The following NCK2 variants were observed in gnomAD, a reference collection of about 807,000 sequenced individuals.
The protein encoded by NCK2 is NCK adaptor protein 2.
A neutral mutation model predicts 33.9 loss-of-function variants in NCK2; 16 were observed. The observed-to-expected ratio is 0.47, with a 90% confidence interval of 0.32 to 0.72. The LOEUF is 0.72. Ranked by LOEUF, NCK2 falls within the 30% of genes least tolerant of loss-of-function variation. NCK2 has a pLI of 0.03. For synonymous variants in NCK2, 273 were observed against 239.9 expected (o/e 1.14, Z -1.27); for missense variants, 418 against 537.3 (o/e 0.78, Z 2.19).
chr2:105,825,095 T>G (rs1402216761), intron 2 of NCK2, among the ~76,000 whole-genome samples: 1 of 152,176 alleles, frequency 6.6e-6, no homozygotes. Flanking sequence ...GCCTGGCTCC[T>G]GCCTCCTCCT....
intron 1 of NCK2, among the ~76,000 whole-genome samples, chr2:105,763,366 A>G (rs1689828895): frequency 6.6e-6 from 1 of 152,174 alleles, no homozygotes; most frequent in African/African-American, 2.4e-5. Context: ...GCATTGCAGA[A>G]AAGTAGCTCA....
At chr2:105,817,638 C>T (rs1347763477) in intron 2 of NCK2, among the ~76,000 whole-genome samples, 2 of 152,128 alleles carry the variant, frequency 1.3e-5, no homozygotes, top group Non-Finnish European at 2.9e-5. Flanking sequence ...AGACACTGCT[C>T]AAAAGAAGAC....
intron 1 of NCK2, among the ~76,000 whole-genome samples, chr2:105,796,880 G>A (rs944519457): frequency 2.6e-5 from 4 of 152,182 alleles, no homozygotes; most frequent in Admixed American, 2.6e-4. Context: ...AGGTTAGTCT[G>A]CCCTCTCAGG....
intron 1 of NCK2, among the ~76,000 whole-genome samples, chr2:105,801,418 CT>C (rs79973949): frequency 0.021 from 2,981 of 145,212 alleles, 46 homozygotes; most frequent in Admixed American, 0.024. Context: ...GTGCTTTTTT[CT>C]TTTTTTTTTT....
At chr2:105,783,555 C>A (rs1242523016) in intron 1 of NCK2, among the ~76,000 whole-genome samples, 1 of 152,156 alleles carries the variant, frequency 6.6e-6, no homozygotes, top group East Asian at 1.9e-4. Flanking sequence ...CAGTATTTGC[C>A]ACCGTGGGTG....
At chr2:105,821,577 G>T (rs976708615) in intron 2 of NCK2, among the ~76,000 whole-genome samples, 9 of 152,142 alleles carry the variant, frequency 5.9e-5, no homozygotes, top group Non-Finnish European at 1.5e-5. Flanking sequence ...AGTAAGTATT[G>T]ACAGCTGCTG....
chr2:105,834,012 T>A (rs1237586406), intron 2 of NCK2, among the ~76,000 whole-genome samples: 1 of 152,244 alleles, frequency 6.6e-6, no homozygotes, highest in Non-Finnish European at 1.5e-5. Context: ...AGATAATACC[T>A]GACTTTGATT....
chr2:105,841,943 G>A (rs1238355019), intron 2 of NCK2, among the ~76,000 whole-genome samples: 2 of 152,200 alleles, frequency 1.3e-5, no homozygotes, highest in East Asian at 1.9e-4. Flanking sequence ...GTTGCCAGGA[G>A]GCACCAAGAG....
chr2:105,882,082 G>C (rs1678527031), intron 4 of NCK2, 33 bp downstream of exon 4: 2 of 1,480,180 alleles, frequency 1.4e-6, no homozygotes, highest in East Asian at 4.7e-5. Flanking sequence ...TCCGGCTGCA[G>C]GCAGTAAATG....
intron 3 of NCK2, chr2:105,857,029 T>TC: frequency 1.6e-5 from 1 of 60,884 alleles, no homozygotes; most frequent in Non-Finnish European, 2.9e-5. Context: ...TTGTGTGTCT[T>TC]CTTTTTTTTT....
At chr2:105,820,146 AAT>A (rs1324642550) in intron 2 of NCK2, among the ~76,000 whole-genome samples, 1 of 152,214 alleles carries the variant, frequency 6.6e-6, no homozygotes, top group Non-Finnish European at 1.5e-5. Flanking sequence ...ACAGAGGTAT[AAT>A]GTGTTTCCTT....
chr2:105,874,695 G>T (rs1429422799), intron 3 of NCK2, among the ~76,000 whole-genome samples: 3 of 152,202 alleles, frequency 2.0e-5, no homozygotes, highest in South Asian at 4.1e-4. Context: ...AAGATGACAG[G>T]CAGAGCATGT....
intron 1 of NCK2, among the ~76,000 whole-genome samples, chr2:105,773,256 A>G (rs1182956691): frequency 2.6e-5 from 4 of 151,936 alleles, no homozygotes; most frequent in African/African-American, 7.3e-5. Flanking sequence ...AGAAACCAAC[A>G]TCAGCAATTG....
intron 1 of NCK2, among the ~76,000 whole-genome samples, chr2:105,760,627 G>A (rs1689738095): frequency 6.6e-6 from 1 of 152,050 alleles, no homozygotes; most frequent in Non-Finnish European, 1.5e-5. Context: ...TCAACCAAGG[G>A]TCTTTGCTTT....
chr2:105,821,859 C>T (rs1199289289), intron 2 of NCK2, among the ~76,000 whole-genome samples: 1 of 149,812 alleles, frequency 6.7e-6, no homozygotes, highest in East Asian at 2.1e-4. Flanking sequence ...CTTTGTGTCC[C>T]CATCTATTAA....
upstream of NCK2, chr2:105,744,865 T>TCGCCGCCGCCGCCGC (rs1170930281): frequency 1.7e-3 from 259 of 153,972 alleles, no homozygotes; most frequent in East Asian, 8.6e-3. Context: ...CGGGGGAGGG[T>TCGCCGCCGCCGCCGC]CGCCGCCGCC....
chr2:105,874,368 A>T (rs1414623973), intron 3 of NCK2, among the ~76,000 whole-genome samples: 1 of 152,244 alleles, frequency 6.6e-6, no homozygotes, highest in African/African-American at 2.4e-5. Context: ...CCATAATCAG[A>T]TCTTATCTCC....
chr2:105,805,966 G>A (rs987763992), intron 1 of NCK2, among the ~76,000 whole-genome samples: 8 of 152,098 alleles, frequency 5.3e-5, no homozygotes, highest in East Asian at 3.9e-4. Context: ...TATGTTTCAC[G>A]TACACCTTAT....
At position 105,893,158 on chromosome 2, in the gene NCK2, C is replaced by T. The variant is rs750189009; in HGVS notation, c.1125C>T (p.Leu375=). Residue 375 remains leucine (L), a synonymous_variant, in exon 5 of 5, where the codon CTC becomes CTT. Transcript: ENST00000233154. ...FTSEHGEKLY[L]VRALQ Reference sequence around the variant, plus strand: ...GCGAGCACGGGGAGAAGCTCTACCTCGTCAGGGCCCTGCAGTGACGGCGCC... The same window carrying T: ...GCGAGCACGGGGAGAAGCTCTACCTTGTCAGGGCCCTGCAGTGACGGCGCC... 11 of 1,604,188 alleles carry T rather than the reference C, an allele frequency of 6.9e-6. No individual in the cohort carries two copies. The highest frequency in any genetic ancestry group is 1.7e-4 in the Middle Eastern group (1 of 6,046).
Sources: gnomAD v4.1 joint callset for allele counts (sites outside exome capture counted in the v4.1 genomes callset) on GRCh38, gnomAD v4.1.1 for gene constraint, MANE v1.5 for transcripts, NCBI Gene and HGNC (gene_info 2026-07-23, HGNC 2026-07-21) for gene names.